AOX1: variants seen among roughly 807,000 people sequenced by gnomAD.
The protein encoded by AOX1 is aldehyde oxidase.
AOX1 carries 153 observed loss-of-function variants against 169.5 expected under a neutral mutation model. That is an observed-to-expected ratio of 0.90 (90% CI 0.79 to 1.03). The LOEUF is 1.03. AOX1 is among the 50% of genes least tolerant of loss of function. AOX1 has a pLI of 0.00. For synonymous variants in AOX1, 562 were observed against 581.9 expected (o/e 0.97, Z 0.49); for missense variants, 1,656 against 1,663.9 (o/e 1.00, Z 0.08).
chr2:200,642,775 G>A lies in AOX1; in HGVS notation c.2821G>A (p.Ala941Thr). ...ITESCITEVA[A>T]KCGLSPEKVR... The stretch of plus-strand genomic sequence containing the variant: ...CGAATCTTGTATCACGGAAGTTGCA[G>A]CCAAATGTGGACTATCCCCTGAGAA... The change falls in exon 25 of 35, where the codon GCC (alanine) becomes ACC (threonine). Residue 941 changes from alanine (A) to threonine (T), a missense_variant. Coordinates refer to ENST00000374700, the MANE Select transcript of AOX1 (RefSeq NM_001159.4). 1.2e-6 allele frequency: 2 copies of A among 1,613,754 alleles called. No homozygotes were observed. The highest frequency in any genetic ancestry group is 8.5e-7 in the Non-Finnish European group (1 of 1,179,846).
At chr2:200,610,284 C>A (rs1440268959) in intron 12 of AOX1, among the ~76,000 whole-genome samples, 1 of 152,098 alleles carries the variant, frequency 6.6e-6, no homozygotes, top group African/African-American at 2.4e-5. Flanking sequence ...GTTGGCCAGG[C>A]TGGTCTCGAA....
intron 16 of AOX1, among the ~76,000 whole-genome samples, chr2:200,618,331 A>G (rs1183977963): frequency 6.6e-6 from 1 of 152,224 alleles, no homozygotes; most frequent in Non-Finnish European, 1.5e-5. Flanking sequence ...AAGAAATATG[A>G]AATTAGAACA....
chr2:200,620,139 T>C (rs768777849), intron 16 of AOX1, among the ~76,000 whole-genome samples: 6 of 151,490 alleles, frequency 4.0e-5, no homozygotes, highest in Non-Finnish European at 7.4e-5. Flanking sequence ...TGGATTGACA[T>C]ACCAGTTGGC....
rs569530573 is a variant in AOX1, at chr2:200,593,967, C to T, written c.103+764C>T. On this transcript the variant is annotated intron_variant, in intron 2 of 34. Coordinates refer to ENST00000374700, the MANE Select transcript of AOX1 (RefSeq NM_001159.4). ...TCACTATGAGTGACAGAAAACTCCA[C>T]CTCATGGTAAACAAGATAGAAGGTA... Among the ~76,000 whole-genome samples, 107 of 152,296 alleles carry T rather than the reference C, an allele frequency of 7.0e-4. 1 individual carries two copies. Among genetic ancestry groups the T allele is most frequent in the African/African-American group, 2.4e-3 (99 of 41,562 alleles).
At chr2:200,631,365 G>C (rs2035122331) in intron 20 of AOX1, among the ~76,000 whole-genome samples, 1 of 152,152 alleles carries the variant, frequency 6.6e-6, no homozygotes, top group Non-Finnish European at 1.5e-5. Context: ...TTATACTGGA[G>C]AGCACAGAGA....
In AOX1 at chr2:200,604,693, T is replaced by C. The variant is rs762228864; in HGVS notation, c.670-3T>C. On this transcript the variant is annotated splice_region_variant and splice_polypyrimidine_tract_variant and intron_variant, in intron 8 of 34. Transcript: ENST00000374700. ...CCTTGAATCCCTATTGCTTTTTCAA[T>C]AGATAATGGCTGAGAAACAGTCGCA... 1.1e-5 allele frequency: 17 copies of C among 1,614,030 alleles called. No individual in the cohort carries two copies. The South Asian group carries it at 1.4e-4, about 14-fold the overall frequency.
chr2:200,597,253 T>G, intron 3 of AOX1, 144 bp from the exon 4 acceptor site: 36 of 502,952 alleles, frequency 7.2e-5, no homozygotes, highest in Non-Finnish European at 7.3e-5. Context: ...GGCCTGTGCC[T>G]GAGCTAAGGA....
intron 10 of AOX1, among the ~76,000 whole-genome samples, chr2:200,606,671 G>A (rs543553395): frequency 6.6e-6 from 1 of 152,222 alleles, no homozygotes; most frequent in East Asian, 1.9e-4. Context: ...GCAGTGGTTG[G>A]TAGTTCTTCC....
intron 26 of AOX1, among the ~76,000 whole-genome samples, chr2:200,653,268 C>T (rs553172978): frequency 1.5e-4 from 23 of 152,338 alleles, no homozygotes; most frequent in Admixed American, 3.3e-4. Flanking sequence ...GACCAACTTA[C>T]GTGCTGAAAA....
chr2:200,664,038 G>T (rs3820973), intron 31 of AOX1, among the ~76,000 whole-genome samples: 1 of 151,918 alleles, frequency 6.6e-6, no homozygotes, highest in African/African-American at 2.4e-5. Context: ...GGGCAAAACA[G>T]TGATCACTTT....
chr2:200,597,101 C>T (rs1431358646), intron 3 of AOX1, among the ~76,000 whole-genome samples: 1 of 152,134 alleles, frequency 6.6e-6, no homozygotes, highest in African/African-American at 2.4e-5. Flanking sequence ...GAGCAAAAAC[C>T]ATCAAAGTTG....
At chr2:200,631,734 CTCTG>C (rs1384210506) in intron 20 of AOX1, among the ~76,000 whole-genome samples, 1 of 152,162 alleles carries the variant, frequency 6.6e-6, no homozygotes, top group Non-Finnish European at 1.5e-5. Flanking sequence ...ACAGGAACAG[CTCTG>C]TCTAATTTTT....
chr2:200,600,476 G>T (rs377350517), intron 5 of AOX1, among the ~76,000 whole-genome samples: 2 of 21,462 alleles, frequency 9.3e-5, no homozygotes, highest in Non-Finnish European at 2.3e-4. Context: ...TGTATGTGGC[G>T]GGGGGGGACA....
At chr2:200,639,599 C>G (rs1436796248) in intron 23 of AOX1, among the ~76,000 whole-genome samples, 1 of 152,114 alleles carries the variant, frequency 6.6e-6, no homozygotes, top group Non-Finnish European at 1.5e-5. Flanking sequence ...TTACAGTAAA[C>G]TTCATCCTGA....
intron 20 of AOX1, among the ~76,000 whole-genome samples, chr2:200,630,865 G>A (rs2035111464): frequency 6.6e-6 from 1 of 152,114 alleles, no homozygotes; most frequent in Non-Finnish European, 1.5e-5. Flanking sequence ...TAAGGGGAGG[G>A]AGAGCATCAG....
chr2:200,594,838 G>A (rs575137220), intron 2 of AOX1, among the ~76,000 whole-genome samples: 2 of 152,304 alleles, frequency 1.3e-5, no homozygotes, highest in South Asian at 4.1e-4. Context: ...CGACTGAAAG[G>A]CAGAGAAATA....
chr2:200,602,106 G>T (rs893144087), intron 5 of AOX1, among the ~76,000 whole-genome samples, 178 bp from the exon 6 acceptor site: 1 of 151,946 alleles, frequency 6.6e-6, no homozygotes, highest in Non-Finnish European at 1.5e-5. Flanking sequence ...TCTGCCTCAA[G>T]ATTCTTAATG....
chr2:200,606,583 T>C (rs1385588945), intron 10 of AOX1, among the ~76,000 whole-genome samples: 2 of 152,356 alleles, frequency 1.3e-5, no homozygotes, highest in East Asian at 3.9e-4. Flanking sequence ...AGTATGGCCA[T>C]TTTCATGGTA....
intron 16 of AOX1, among the ~76,000 whole-genome samples, chr2:200,617,473 A>G (rs941649637): frequency 7.1e-6 from 1 of 140,612 alleles, no homozygotes; most frequent in African/African-American, 2.7e-5. Context: ...ATTTATCACA[A>G]CTAACTGCAA....
Sources: allele counts gnomAD v4.1 joint callset (sites outside exome capture counted in the v4.1 genomes callset), GRCh38; gene constraint gnomAD v4.1.1; transcripts MANE v1.5; gene names NCBI Gene and HGNC (gene_info 2026-07-23, HGNC 2026-07-21).